ZNF462: variants seen among roughly 807,000 people sequenced by gnomAD.
ZNF462 encodes the protein zinc finger PBX1-interacting protein.
A neutral mutation model predicts 201.9 loss-of-function variants in ZNF462; 10 were observed. That is an observed-to-expected ratio of 0.05 (90% CI 0.03 to 0.08). The LOEUF is 0.08. Ranked by LOEUF, ZNF462 falls within the 10% of genes least tolerant of loss-of-function variation. ZNF462 has a pLI of 1.00. For synonymous variants in ZNF462, 1,227 were observed against 1,193.3 expected (o/e 1.03, Z -0.58); for missense variants, 2,523 against 3,168.3 (o/e 0.80, Z 4.89).
rs777443554 is a variant in ZNF462, at chr9:106,927,000, T to G, written c.3088T>G (p.Tyr1030Asp). The change falls in exon 3 of 13, where the codon TAT (tyrosine) becomes GAT (aspartate). Residue 1030 changes from tyrosine (Y) to aspartate (D), a missense_variant. This residue lies in a region of ZNF462 where 280 missense variants were observed against 321.3 expected (regional missense o/e 0.87). Coordinates refer to ENST00000277225, the MANE Select transcript of ZNF462 (RefSeq NM_021224.6). The surrounding 1 kb of genome is among the most constrained non-coding windows in gnomAD (Gnocchi z 7.9). Reference protein sequence around the residue: ...KDPLVNTVVVYDCDVCSFASP... With the variant: ...KDPLVNTVVVDDCDVCSFASP... The stretch of plus-strand genomic sequence containing the variant: ...CCCTTTGGTCAACACTGTTGTTGTT[T>G]ATGATTGTGATGTTTGTTCGTTTGC... 13 of 1,614,200 alleles carry G rather than the reference T, an allele frequency of 8.1e-6. No homozygotes were observed. The highest frequency in any genetic ancestry group is 1.1e-5 in the Non-Finnish European group (13 of 1,180,032).
rs762811959 is a variant in ZNF462 at position 106,930,383 on chromosome 9, A to G, written c.5848-142A>G. The G allele has an allele frequency of 7.9e-5, 85 of 1,081,436 alleles. No individual in the cohort carries two copies. The highest frequency in any genetic ancestry group is 1.0e-4 in the Non-Finnish European group (78 of 773,222). The allele number at this position is 1,081,436 out of a possible 1,614,324, so 67.0% of individuals were successfully genotyped here. On this transcript the variant is annotated intron_variant, in intron 3 of 12. Transcript: ENST00000277225. The surrounding 1 kb of genome is among the most constrained non-coding windows in gnomAD (Gnocchi z 5.8). ...GCCATGATGCTGACAAATTTGTTAT[A>G]TAAAAATACTCGCCTATATCTCCCT...
intron 1 of ZNF462, among the ~76,000 whole-genome samples, chr9:106,864,447 C>G (rs1386348951): frequency 6.6e-6 from 1 of 152,008 alleles, no homozygotes. Flanking sequence ...GGGGAAGCCG[C>G]AGCCGCCCCC....
chr9:106,960,477 T>C (rs1831781785), intron 7 of ZNF462, among the ~76,000 whole-genome samples: 2 of 152,130 alleles, frequency 1.3e-5, no homozygotes, highest in Admixed American at 1.3e-4. Flanking sequence ...GCTTTTGTGC[T>C]CAACACTTTT....
At position 106,928,229 on chromosome 9, in the gene ZNF462, G is replaced by T; in HGVS notation, c.4317G>T (p.Glu1439Asp). The T allele has an allele frequency of 6.2e-7, 1 of 1,614,056 alleles. No individual in the cohort carries two copies. ...CENSIPTPFPEQEAECPEDAR... is the reference protein window; with the variant it reads ...CENSIPTPFPDQEAECPEDAR... The stretch of plus-strand genomic sequence containing the variant: ...ACAGTATACCCACCCCTTTCCCGGA[G>T]CAGGAAGCTGAATGTCCAGAGGATG... The change falls in exon 3 of 13, where the codon GAG (glutamate) becomes GAT (aspartate). Residue 1439 changes from glutamate (E) to aspartate (D), a missense_variant. Physicochemically the swap from Glu to Asp is conservative, Grantham distance 45. Coordinates refer to ENST00000277225, the MANE Select transcript of ZNF462 (RefSeq NM_021224.6). This position sits in a 1 kb window ranked among gnomAD's most constrained non-coding sequence, Gnocchi z 9.3.
chr9:107,006,246 C>T lies in ZNF462; in HGVS notation c.7189+2820C>T, dbSNP rs907119217. Among the ~76,000 whole-genome samples the T allele has an allele frequency of 6.6e-6, 1 of 152,118 alleles. No individual in the cohort carries two copies. The highest frequency in any genetic ancestry group is 1.5e-5 in the Non-Finnish European group (1 of 68,034). ...CACCCAGTTCCTAGAATATAACAATCACCTAATAAATGATAAGCCTGCAAT... is the reference window on the plus strand; with the variant it reads ...CACCCAGTTCCTAGAATATAACAATTACCTAATAAATGATAAGCCTGCAAT... On this transcript the variant is annotated intron_variant, in intron 11 of 12. Coordinates refer to ENST00000277225, the MANE Select transcript of ZNF462 (RefSeq NM_021224.6). This position sits in a 1 kb window ranked among gnomAD's most constrained non-coding sequence, Gnocchi z 4.3.
In ZNF462 at chr9:106,926,779, CGAT is replaced by C; in HGVS notation, c.2871_2873del (p.Met957del). The stretch of plus-strand genomic sequence containing the variant: ...CATCCCACGGTGAAGATCAACAACG[CGAT>C]GATATTTTCAAGCTATGTCGTGGAG... On this transcript the variant is annotated inframe_deletion, in exon 3 of 13. Coordinates refer to ENST00000277225, the MANE Select transcript of ZNF462 (RefSeq NM_021224.6). The surrounding 1 kb of genome is among the most constrained non-coding windows in gnomAD (Gnocchi z 7.9). 1.2e-6 allele frequency: 2 copies of C among 1,614,102 alleles called. No homozygotes were observed. Among genetic ancestry groups the C allele is most frequent in the Non-Finnish European group, 1.7e-6 (2 of 1,180,034 alleles).
rs1015578747 is a variant in ZNF462 at position 106,970,327 on chromosome 9, A to G, written c.6428-1678A>G. 6.6e-6 allele frequency among the ~76,000 whole-genome samples: 1 copy of G among 152,136 alleles called. No homozygotes were observed. The highest frequency in any genetic ancestry group is 6.6e-5 in the Admixed American group (1 of 15,266). ...GGGGTTTTTCTCAATCTTGAGGAAT[A>G]TGAATTGAGGAGGCGGGGAGGAGAA... is the stretch of plus-strand genomic sequence containing the variant. On this transcript the variant is annotated intron_variant, in intron 7 of 12. Transcript: ENST00000277225. This position sits in a 1 kb window ranked among gnomAD's most constrained non-coding sequence, Gnocchi z 4.2.
chr9:106,924,641 T>C lies in ZNF462; in HGVS notation c.729T>C (p.Phe243=). The change falls in exon 3 of 13, where the codon TTT becomes TTC. Residue 243 remains phenylalanine, a synonymous_variant. Transcript: ENST00000277225. This position sits in a 1 kb window ranked among gnomAD's most constrained non-coding sequence, Gnocchi z 6.2. ...VKPLTKSRGN[F]CCEWCSYQTP... Reference sequence around the variant, plus strand: ...CTTTGACCAAATCTCGAGGCAACTTTTGTTGTGAGTGGTGCAGCTACCAGA... The same window carrying C: ...CTTTGACCAAATCTCGAGGCAACTTCTGTTGTGAGTGGTGCAGCTACCAGA... 1.9e-6 allele frequency: 3 copies of C among 1,614,012 alleles called. No individual in the cohort carries two copies. In the Middle Eastern group the frequency reaches 4.9e-4, roughly 266 times the overall value.
At position 106,938,416 on chromosome 9, in the gene ZNF462, G is replaced by A. The variant is rs1406540565; in HGVS notation, c.6236-500G>A. 6.6e-6 allele frequency among the ~76,000 whole-genome samples: 1 copy of A among 152,170 alleles called. No homozygotes were observed. The highest frequency in any genetic ancestry group is 2.4e-5 in the African/African-American group (1 of 41,430). On this transcript the variant is annotated intron_variant, in intron 6 of 12. Coordinates refer to ENST00000277225, the MANE Select transcript of ZNF462 (RefSeq NM_021224.6). This position sits in a 1 kb window ranked among gnomAD's most constrained non-coding sequence, Gnocchi z 4.4. The stretch of plus-strand genomic sequence containing the variant: ...GATGAGAATGTGTATAGTTAGCAAG[G>A]AAGTACAGAATAGAATAGCACAACA...
intron 10 of ZNF462, among the ~76,000 whole-genome samples, chr9:107,001,795 C>CGTTG (rs551446849): frequency 1.1e-3 from 173 of 152,198 alleles, no homozygotes; most frequent in African/African-American, 3.9e-3. Context: ...GCTTGTTAAG[C>CGTTG]GTTGGCATTG....
Position 106,924,949 on chromosome 9 carries a change from T to G in ZNF462, c.1037T>G (p.Met346Arg), listed in dbSNP as rs1457805367. The change falls in exon 3 of 13, where the codon ATG (methionine) becomes AGG (arginine). Residue 346 changes from methionine (M) to arginine (R), a missense_variant. This residue lies in a region of ZNF462 where 480 missense variants were observed against 544.4 expected (regional missense o/e 0.88). Transcript: ENST00000277225. This position sits in a 1 kb window ranked among gnomAD's most constrained non-coding sequence, Gnocchi z 6.2. ...SKFSPMSYPQ[M>R]KPKSPHNSGL... ...TTTTCGCCCATGTCTTACCCTCAGATGAAGCCGAAGTCACCTCACAATTCT... is the reference window on the plus strand; with the variant it reads ...TTTTCGCCCATGTCTTACCCTCAGAGGAAGCCGAAGTCACCTCACAATTCT... 6.2e-7 allele frequency: 1 copy of G among 1,614,062 alleles called. No homozygotes were observed. The highest frequency in any genetic ancestry group is 8.5e-7 in the Non-Finnish European group (1 of 1,180,048).
rs999165533 is a variant in ZNF462, at chr9:106,930,973, A to G, written c.6012+284A>G. On this transcript the variant is annotated intron_variant, in intron 4 of 12. Coordinates refer to ENST00000277225, the MANE Select transcript of ZNF462 (RefSeq NM_021224.6). The surrounding 1 kb of genome is among the most constrained non-coding windows in gnomAD (Gnocchi z 5.8). ...CTAGGAGGCTTCGGGTCGTCCTTCT[A>G]TTCTGCGTTTAGTGCCATTAGCTCT... 7 of 309,466 alleles carry G rather than the reference A, an allele frequency of 2.3e-5. No individual in the cohort carries two copies. Among genetic ancestry groups the G allele is most frequent in the South Asian group, 8.9e-5 (2 of 22,554 alleles). 19.2% of individuals were successfully genotyped at this position (309,466 alleles called of 1,614,324 possible). A position where few individuals can be genotyped will look rare whatever the true frequency, so the allele number is the denominator to read the frequency against.
At chr9:106,998,630 T>C (rs1828924925) in intron 10 of ZNF462, among the ~76,000 whole-genome samples, 1 of 152,020 alleles carries the variant, frequency 6.6e-6, no homozygotes, top group Non-Finnish European at 1.5e-5. Flanking sequence ...TTTTTTGAGA[T>C]GGAGTCTTGC....
rs770266276 is a variant in ZNF462 at position 106,927,524 on chromosome 9, G to C, written c.3612G>C (p.Thr1204=). 1 of 1,613,768 alleles carries C rather than the reference G, an allele frequency of 6.2e-7. No individual in the cohort carries two copies. The highest frequency in any genetic ancestry group is 8.5e-7 in the Non-Finnish European group (1 of 1,179,976). Residue 1204 remains threonine, a synonymous_variant, in exon 3 of 13, where the codon ACG becomes ACC. Transcript: ENST00000277225. ...AGCACTGTGATTATGGGAACCGGACGGTCAAAGGGGTACTCATTCATTATC... is the reference window on the plus strand; with the variant it reads ...AGCACTGTGATTATGGGAACCGGACCGTCAAAGGGGTACTCATTCATTATC... ...FCQHCDYGNR[T]VKGVLIHYQK... is the part of the protein sequence containing the mutation.
In ZNF462 at chr9:107,009,522, A is replaced by G. The variant is rs776745155; in HGVS notation, c.7190-23A>G. On this transcript the variant is annotated intron_variant, in intron 11 of 12. Transcript: ENST00000277225. The surrounding 1 kb of genome is among the most constrained non-coding windows in gnomAD (Gnocchi z 6.1). ...TGCTGATTCCCACAGCACACAGGTA[A>G]CACTTCTGCTTTCTCTTTGCAGAGC... is the stretch of plus-strand genomic sequence containing the variant. 1.2e-6 allele frequency: 2 copies of G among 1,613,614 alleles called. No homozygotes were observed. The highest frequency in any genetic ancestry group is 1.7e-6 in the Non-Finnish European group (2 of 1,179,774).
In ZNF462 at chr9:106,926,975, C is replaced by T. The variant is rs766506413; in HGVS notation, c.3063C>T (p.Asp1021=). Residue 1021 remains aspartate (D), a synonymous_variant, in exon 3 of 13, where the codon GAC becomes GAT. Coordinates refer to ENST00000277225, the MANE Select transcript of ZNF462 (RefSeq NM_021224.6). This position sits in a 1 kb window ranked among gnomAD's most constrained non-coding sequence, Gnocchi z 7.9. ...CTCCTGAATGTGAAAATCAGAAGGA[C>T]CCTTTGGTCAACACTGTTGTTGTTT... is the stretch of plus-strand genomic sequence containing the variant. ...TFTPECENQK[D]PLVNTVVVYD... is the part of the protein sequence containing the mutation. 7 of 1,614,162 alleles carry T rather than the reference C, an allele frequency of 4.3e-6. No individual in the cohort carries two copies. The highest frequency in any genetic ancestry group is 5.9e-6 in the Non-Finnish European group (7 of 1,180,038).
rs1829478547 is a variant in ZNF462, at chr9:107,005,451, C to T, written c.7189+2025C>T. 6.6e-6 allele frequency among the ~76,000 whole-genome samples: 1 copy of T among 152,168 alleles called. No individual in the cohort carries two copies. Among genetic ancestry groups the T allele is most frequent in the South Asian group, 2.1e-4 (1 of 4,828 alleles). On this transcript the variant is annotated intron_variant, in intron 11 of 12. Coordinates refer to ENST00000277225, the MANE Select transcript of ZNF462 (RefSeq NM_021224.6). The surrounding 1 kb of genome is among the most constrained non-coding windows in gnomAD (Gnocchi z 4.4). ...TCATTGTGGTTTAATTTGCATTTCC[C>T]TGATGATTAGTGATGTTGAACATTT...
chr9:106,973,317 A>C (rs1476488599), intron 8 of ZNF462, among the ~76,000 whole-genome samples: 1 of 151,946 alleles, frequency 6.6e-6, no homozygotes, highest in Non-Finnish European at 1.5e-5. Context: ...AAGAAAAAGA[A>C]GAATTGGAAG....
At chr9:106,996,519 G>A (rs1199066800) in intron 10 of ZNF462, among the ~76,000 whole-genome samples, 1 of 152,166 alleles carries the variant, frequency 6.6e-6, no homozygotes, top group Non-Finnish European at 1.5e-5. Flanking sequence ...ACTGGTGTGA[G>A]ATGGTATCTC....
Sources: allele counts gnomAD v4.1 joint callset (sites outside exome capture counted in the v4.1 genomes callset), GRCh38; gene constraint gnomAD v4.1.1; regional missense constraint gnomAD v4.1.1; non-coding constraint Gnocchi (gnomAD v3.1); transcripts MANE v1.5; gene names NCBI Gene and HGNC (gene_info 2026-07-23, HGNC 2026-07-21).